The following TRPS1 variants were observed in gnomAD, a reference collection of about 807,000 sequenced individuals.
The protein encoded by TRPS1 is transcriptional repressor GATA binding 1, also known as zinc finger transcription factor Trps1.
TRPS1 carries 6 observed loss-of-function variants against 101.2 expected under a neutral mutation model. That is an observed-to-expected ratio of 0.06 (90% CI 0.03 to 0.12). The LOEUF is 0.12. Among genes scored for constraint, TRPS1 ranks in the 10% least tolerant of loss-of-function variants. The pLI is 1.00. For missense variants in TRPS1, 1,363 were observed against 1,567.0 expected, an observed-to-expected ratio of 0.87 and a Z score of 2.20; for synonymous variants, 578 against 589.8, an observed-to-expected ratio of 0.98 and a Z score of 0.29.
At chr8:115,558,592 A>G (rs1002908688) in intron 5 of TRPS1, among the ~76,000 whole-genome samples, 4 of 152,220 alleles carry the variant, frequency 2.6e-5, no homozygotes, top group African/African-American at 7.2e-5. Flanking sequence ...CTGGAAGCAT[A>G]AAATTCACTT....
At chr8:115,577,205 A>T (rs1586421329) in intron 5 of TRPS1, among the ~76,000 whole-genome samples, 1 of 152,222 alleles carries the variant, frequency 6.6e-6, no homozygotes, top group Middle Eastern at 3.4e-3. Context: ...GTCTTTTTTT[A>T]AAAAAATAGC....
chr8:115,654,452 A>T (rs942949833), intron 1 of TRPS1, among the ~76,000 whole-genome samples: 4 of 152,192 alleles, frequency 2.6e-5, no homozygotes, highest in African/African-American at 9.6e-5. Context: ...TTAATAACTA[A>T]TTGCACATTT....
chr8:115,668,109 T>A (rs1811972997), intron 1 of TRPS1: 1 of 603,402 alleles, frequency 1.7e-6, no homozygotes, highest in Admixed American at 3.0e-5. Flanking sequence ...TTGTTTTTCC[T>A]CCTCCCCGGC....
At chr8:115,513,988 C>T (rs1049923822) in intron 5 of TRPS1, among the ~76,000 whole-genome samples, 22 of 151,534 alleles carry the variant, frequency 1.5e-4, no homozygotes, top group African/African-American at 5.1e-4. Context: ...CTATACGTAC[C>T]CTTAGTGAAC....
chr8:115,547,114 T>C (rs1301438275), intron 5 of TRPS1, among the ~76,000 whole-genome samples: 1 of 152,166 alleles, frequency 6.6e-6, no homozygotes, highest in African/African-American at 2.4e-5. Context: ...AAGAAATATA[T>C]CAAATGGTAT....
At chr8:115,629,631 T>A (rs575203311) in intron 1 of TRPS1, among the ~76,000 whole-genome samples, 48 of 152,048 alleles carry the variant, frequency 3.2e-4, no homozygotes, top group African/African-American at 9.9e-4. Flanking sequence ...AAATTTTATC[T>A]GACTAAAATT....
chr8:115,519,570 G>A (rs3824200), intron 5 of TRPS1, among the ~76,000 whole-genome samples: 96,131 of 151,006 alleles, frequency 0.64, 31,236 homozygotes, highest in East Asian at 0.84. Flanking sequence ...TTTTTTTCCA[G>A]TGTATTTAGT....
chr8:115,634,326 T>C (rs1190425509), intron 1 of TRPS1, among the ~76,000 whole-genome samples: 1 of 152,190 alleles, frequency 6.6e-6, no homozygotes, highest in Non-Finnish European at 1.5e-5. Context: ...TTACATGTTC[T>C]AGAAGTCAAA....
At position 115,415,090 on chromosome 8, in the gene TRPS1, G is replaced by A. The variant is rs766134620; in HGVS notation, c.2824-6C>T. On this transcript the variant is annotated splice_region_variant and splice_polypyrimidine_tract_variant and intron_variant, in intron 6 of 6. Transcript: ENST00000395715. ...ATGTTTAAAGGCCTGGGAGTCTGCA[G>A]AGAACACATACAATACATAAAAGGA... 6 of 1,593,758 alleles carry A rather than the reference G, an allele frequency of 3.8e-6. No individual in the cohort carries two copies. The highest frequency in any genetic ancestry group is 1.9e-5 in the Admixed American group (1 of 53,394).
At chr8:115,571,494 GACTTCCATTA>G (rs1363448542) in intron 5 of TRPS1, among the ~76,000 whole-genome samples, 4 of 152,078 alleles carry the variant, frequency 2.6e-5, no homozygotes, top group Non-Finnish European at 5.9e-5. Flanking sequence ...TTTTAATCAA[GACTTCCATTA>G]ACCCCCTACC....
intron 5 of TRPS1, among the ~76,000 whole-genome samples, chr8:115,566,574 CAT>C (rs973963943): frequency 2.0e-5 from 3 of 151,288 alleles, no homozygotes; most frequent in African/African-American, 7.3e-5. Context: ...GTCAGAAAAA[CAT>C]ATGGAAAATG....
intron 3 of TRPS1, among the ~76,000 whole-genome samples, chr8:115,616,956 T>C (rs765945195): frequency 2.0e-5 from 3 of 152,166 alleles, no homozygotes; most frequent in Non-Finnish European, 1.5e-5. Flanking sequence ...TGTTCAATAT[T>C]TATTTCAGCA....
intron 5 of TRPS1, among the ~76,000 whole-genome samples, chr8:115,554,848 G>C (rs1388395056): frequency 6.6e-6 from 1 of 152,118 alleles, no homozygotes; most frequent in African/African-American, 2.4e-5. Flanking sequence ...CCCTTTGAAA[G>C]GCGTGCCAGT....
In TRPS1 at chr8:115,522,277, G is replaced by A. The variant is rs1221202755; in HGVS notation, c.2700+64724C>T. ...TATGACAGTAGGAGATTGTGTGATG[G>A]CATTTATGAGCTTTGCATATCTGTG... On this transcript the variant is annotated intron_variant, in intron 5 of 6. Transcript: ENST00000395715. Among the ~76,000 whole-genome samples, 2 of 151,838 alleles carry A rather than the reference G, an allele frequency of 1.3e-5. 1 individual carries two copies. The highest frequency in any genetic ancestry group is 2.9e-5 in the Non-Finnish European group (2 of 67,874).
intron 5 of TRPS1, among the ~76,000 whole-genome samples, chr8:115,547,243 A>G (rs1454497650): frequency 2.6e-5 from 4 of 152,114 alleles, no homozygotes; most frequent in African/African-American, 7.2e-5. Flanking sequence ...TTTTTAAATC[A>G]GGAAAGGGAA....
chr8:115,513,268 G>A (rs1815627561), intron 5 of TRPS1, among the ~76,000 whole-genome samples: 1 of 151,706 alleles, frequency 6.6e-6, no homozygotes, highest in African/African-American at 2.4e-5. Context: ...AACTGCAGCA[G>A]AAGGGAGAAT....
intron 5 of TRPS1, among the ~76,000 whole-genome samples, chr8:115,514,486 A>G (rs1355278319): frequency 6.6e-6 from 1 of 151,718 alleles, no homozygotes; most frequent in Non-Finnish European, 1.5e-5. Flanking sequence ...ATAATAACAT[A>G]TAATTAAATG....
At chr8:115,549,689 C>T (rs1362754548) in intron 5 of TRPS1, among the ~76,000 whole-genome samples, 3 of 133,424 alleles carry the variant, frequency 2.2e-5, no homozygotes, top group South Asian at 2.3e-4. Context: ...AAAAAAAAAA[C>T]GCTAAACAAA....
chr8:115,550,107 C>T (rs574039882), intron 5 of TRPS1, among the ~76,000 whole-genome samples: 1 of 152,052 alleles, frequency 6.6e-6, no homozygotes, highest in South Asian at 2.1e-4. Context: ...ATCCCAGCTA[C>T]TTGGGAGGCT....
Sources: allele counts gnomAD v4.1 joint callset (sites outside exome capture counted in the v4.1 genomes callset), GRCh38; gene constraint gnomAD v4.1.1; transcripts MANE v1.5; gene names NCBI Gene and HGNC (gene_info 2026-07-23, HGNC 2026-07-21).